The following BTBD7 variants were observed in gnomAD, a reference collection of about 807,000 sequenced individuals.
BTBD7 encodes BTB domain containing 7, also known as BTB/POZ domain-containing protein 7.
Under a neutral mutation model 99.9 loss-of-function variants are expected in BTBD7, and 38 were observed. That is an observed-to-expected ratio of 0.38 (90% confidence interval 0.29 to 0.50). The LOEUF is 0.50. Among genes scored for constraint, BTBD7 ranks in the 20% least tolerant of loss-of-function variants. The pLI, the probability that BTBD7 is intolerant of heterozygous loss-of-function variation, is 0.93. For missense variants in BTBD7, 1,170 were observed against 1,394.6 expected, an observed-to-expected ratio of 0.84 and a Z score of 2.57; for synonymous variants, 520 against 511.4, an observed-to-expected ratio of 1.02 and a Z score of -0.23.
At position 93,242,086 on chromosome 14, in the gene BTBD7, T is replaced by TAAAAAAAA; in HGVS notation, c.*179_*186dup. 2.1e-6 allele frequency: 1 copy of TAAAAAAAA among 485,790 alleles called. No individual in the cohort carries two copies. The allele number at this position is 485,790 out of a possible 1,614,324, so 30.1% of individuals were successfully genotyped here. ...AAGACAAATTAGACAGATGCAACATTAAAAAAAAAAAACAAAACCTTCTTA... is the reference window on the plus strand; with the variant it reads ...AAGACAAATTAGACAGATGCAACATTAAAAAAAAAAAAAAAAAAAACAAAACCTTCTTA... On this transcript the variant is annotated 3_prime_UTR_variant, in exon 11 of 11. Coordinates refer to ENST00000334746, the MANE Select transcript of BTBD7 (RefSeq NM_001002860.4).
At chr14:93,283,461 T>C (rs1359053088) in intron 3 of BTBD7, among the ~76,000 whole-genome samples, 1 of 152,260 alleles carries the variant, frequency 6.6e-6, no homozygotes, top group Non-Finnish European at 1.5e-5. Flanking sequence ...TTTAGAGATA[T>C]CACTTCTTGT....
chr14:93,330,006 C>T (rs1406233952), intron 1 of BTBD7, among the ~76,000 whole-genome samples: 4 of 152,328 alleles, frequency 2.6e-5, no homozygotes, highest in Middle Eastern at 3.4e-3. Context: ...CTATCCAAAT[C>T]CTTCCTACTG....
At position 93,242,272 on chromosome 14, in the gene BTBD7, C is replaced by G. The variant is rs2052239046; in HGVS notation, c.*1G>C. ...AGGCACAGACGACTTGGAGGTTGCT[C>G]TCAGAGGGCAGACTTTTTGTAGAGG... On this transcript the variant is annotated 3_prime_UTR_variant, in exon 11 of 11. Transcript: ENST00000334746. 1 of 1,611,452 alleles carries G rather than the reference C, an allele frequency of 6.2e-7. No individual in the cohort carries two copies. The highest frequency in any genetic ancestry group is 2.2e-5 in the East Asian group (1 of 44,828).
In BTBD7 at chr14:93,238,145, A is replaced by G. The variant is rs2052181472; in HGVS notation, c.*4128T>C. On this transcript the variant is annotated 3_prime_UTR_variant, in exon 11 of 11. Transcript: ENST00000334746. ...ACAGAACTCACATAAACACACAAAT[A>G]CAAGAGGTTATTTTCAAGACACACA... is the stretch of plus-strand genomic sequence containing the variant. 6.6e-6 allele frequency: 1 copy of G among 152,566 alleles called. No individual in the cohort carries two copies. Among genetic ancestry groups the G allele is most frequent in the Admixed American group, 6.6e-5 (1 of 15,266 alleles). The allele number at this position is 152,566 out of a possible 1,614,324, so 9.5% of individuals were successfully genotyped here.
intron 1 of BTBD7, among the ~76,000 whole-genome samples, chr14:93,320,698 G>A (rs2053259798): frequency 6.6e-6 from 1 of 152,030 alleles, no homozygotes; most frequent in Non-Finnish European, 1.5e-5. Flanking sequence ...CAATGTGCAT[G>A]CCTTACATCA....
At chr14:93,316,874 T>C (rs1464085655) in intron 1 of BTBD7, among the ~76,000 whole-genome samples, 1 of 152,074 alleles carries the variant, frequency 6.6e-6, no homozygotes, top group Non-Finnish European at 1.5e-5. Flanking sequence ...CTAGATTAAA[T>C]CTGGGCAGAG....
chr14:93,324,592 T>C (rs2053307258), intron 1 of BTBD7, among the ~76,000 whole-genome samples: 1 of 152,204 alleles, frequency 6.6e-6, no homozygotes, highest in South Asian at 2.1e-4. Context: ...CTCTCTGATC[T>C]GCCATCTTCA....
chr14:93,330,088 C>G (rs1406048933), intron 1 of BTBD7, among the ~76,000 whole-genome samples: 1 of 152,198 alleles, frequency 6.6e-6, no homozygotes, highest in Non-Finnish European at 1.5e-5. Context: ...TCATTACATT[C>G]TCTCCTCACT....
At chr14:93,324,286 T>A (rs116669379) in intron 1 of BTBD7, among the ~76,000 whole-genome samples, 6,297 of 152,026 alleles carry the variant, frequency 0.041, 439 homozygotes, top group African/African-American at 0.14. Context: ...ATAATTTTTT[T>A]AAAGTAGCCA....
chr14:93,286,245 G>T (rs1213792927), intron 3 of BTBD7, among the ~76,000 whole-genome samples: 3 of 152,186 alleles, frequency 2.0e-5, no homozygotes, highest in Non-Finnish European at 4.4e-5. Context: ...ACTGGGAGGT[G>T]GGCTCTGCCT....
chr14:93,263,371 G>C (rs1187528130), intron 4 of BTBD7, among the ~76,000 whole-genome samples: 2 of 152,212 alleles, frequency 1.3e-5, no homozygotes, highest in South Asian at 4.1e-4. Context: ...AATGTGAGCA[G>C]ATCAGAAATT....
intron 8 of BTBD7, 24 bp downstream of exon 8, chr14:93,251,439 T>C: frequency 1.3e-6 from 2 of 1,537,296 alleles, no homozygotes; most frequent in Non-Finnish European, 1.8e-6. Context: ...CATTTAAATA[T>C]AAACACCCAA....
chr14:93,302,302 G>A (rs1400487609), intron 1 of BTBD7, among the ~76,000 whole-genome samples: 1 of 152,168 alleles, frequency 6.6e-6, no homozygotes, highest in Non-Finnish European at 1.5e-5. Flanking sequence ...GTGCCAGTGA[G>A]GCAGTGGTGT....
Position 93,259,015 on chromosome 14 carries a change from CAG to C in BTBD7, c.1448-1662_1448-1661del, listed in dbSNP as rs201956171. Among the ~76,000 whole-genome samples the C allele has an allele frequency of 2.1e-3, 321 of 152,310 alleles. 5 individuals carry two copies. The East Asian group carries it at 0.023, about 11-fold the overall frequency. ...AAGCTTATGGTCTATAACATTTACACAGAGTTATATACAATCGGTTCTTATTA... is the reference window on the plus strand; with the variant it reads ...AAGCTTATGGTCTATAACATTTACACAGTTATATACAATCGGTTCTTATTA... On this transcript the variant is annotated intron_variant, in intron 5 of 10. Coordinates refer to ENST00000334746, the MANE Select transcript of BTBD7 (RefSeq NM_001002860.4).
rs569825061 is a variant in BTBD7, at chr14:93,242,934, G to A, written c.2738C>T (p.Ser913Leu). The A allele has an allele frequency of 1.1e-4, 178 of 1,613,902 alleles. No homozygotes were observed. The highest frequency in any genetic ancestry group is 1.4e-4 in the Non-Finnish European group (168 of 1,180,004). ...GTGTGTATGTCTCTGTGGAATACAC[G>A]ACAGATGCTGGGGAGGCCCTGGTCC... ...EAGPGPPQHL[S>L]CIPQRHTHTS... The change falls in exon 11 of 11, where the codon TCG becomes TTG. Residue 913 changes from serine (S) to leucine (L), a missense_variant. Transcript: ENST00000334746.
chr14:93,253,636 G>A lies in BTBD7; in HGVS notation c.1752+11C>T. 1 of 1,608,254 alleles carries A rather than the reference G, an allele frequency of 6.2e-7. No individual in the cohort carries two copies. Among genetic ancestry groups the A allele is most frequent in the Non-Finnish European group, 8.5e-7 (1 of 1,175,934 alleles). ...TAAAGTAGTCTACTATCTTCAAATG[G>A]TTTTCATTACCTTTGCTTCTTCCAC... On this transcript the variant is annotated intron_variant, in intron 7 of 10. Coordinates refer to ENST00000334746, the MANE Select transcript of BTBD7 (RefSeq NM_001002860.4).
At chr14:93,262,840 C>CT (rs1322878389) in intron 4 of BTBD7, among the ~76,000 whole-genome samples, 1 of 150,892 alleles carries the variant, frequency 6.6e-6, no homozygotes, top group Non-Finnish European at 1.5e-5. Context: ...AGACAATAAT[C>CT]TAAGAGAACT....
At chr14:93,270,644 G>A (rs924462205) in intron 3 of BTBD7, among the ~76,000 whole-genome samples, 4 of 151,180 alleles carry the variant, frequency 2.6e-5, no homozygotes, top group South Asian at 2.1e-4. Flanking sequence ...GCAGTGAGCC[G>A]AGGTTGTGCC....
At chr14:93,246,734 C>T (rs2052316387) in intron 9 of BTBD7, among the ~76,000 whole-genome samples, 1 of 152,256 alleles carries the variant, frequency 6.6e-6, no homozygotes, top group South Asian at 2.1e-4. Context: ...ACCCATTATA[C>T]ATGACTAAGT....
Sources: gnomAD v4.1 joint callset for allele counts (sites outside exome capture counted in the v4.1 genomes callset) on GRCh38, gnomAD v4.1.1 for gene constraint, MANE v1.5 for transcripts, NCBI Gene and HGNC (gene_info 2026-07-23, HGNC 2026-07-21) for gene names.